The following ARMC1 variants were observed in gnomAD, a reference collection of about 807,000 sequenced individuals.
ARMC1 encodes armadillo repeat containing 1, also known as armadillo repeat-containing protein 1.
A neutral mutation model predicts 31.4 loss-of-function variants in ARMC1; 16 were observed. The observed-to-expected ratio is 0.51, with a 90% CI of 0.34 to 0.77. The LOEUF (loss-of-function observed/expected upper bound fraction) is 0.77. Among genes scored for constraint, ARMC1 ranks in the 30% least tolerant of loss-of-function variants. ARMC1 has a pLI of 0.01. For synonymous variants in ARMC1, 114 were observed against 118.9 expected (o/e 0.96, Z 0.27); for missense variants, 259 against 347.5 (o/e 0.75, Z 2.02).
At chr8:65,632,647 C>A in intron 1 of ARMC1, among the ~76,000 whole-genome samples, 1 of 151,758 alleles carries the variant, frequency 6.6e-6, no homozygotes, top group East Asian at 1.9e-4. Flanking sequence ...AAATAAAACT[C>A]TACAAGACGC....
chr8:65,607,159 T>C (rs1393755873), intron 4 of ARMC1, among the ~76,000 whole-genome samples: 2 of 152,238 alleles, frequency 1.3e-5, no homozygotes, highest in Non-Finnish European at 2.9e-5. Context: ...GTGGGACACG[T>C]CAGTCTGTGG....
chr8:65,617,321 C>T (rs1419529751), intron 3 of ARMC1, among the ~76,000 whole-genome samples: 1 of 152,184 alleles, frequency 6.6e-6, no homozygotes, highest in Non-Finnish European at 1.5e-5. Context: ...TGACCTTACC[C>T]CCAACCTGGT....
chr8:65,628,263 T>C (rs1808557111), intron 1 of ARMC1, among the ~76,000 whole-genome samples: 1 of 151,972 alleles, frequency 6.6e-6, no homozygotes, highest in East Asian at 1.9e-4. Context: ...TTTTGTTTGT[T>C]TTCTCCAAGA....
In ARMC1 at chr8:65,603,872, A is replaced by G. The variant is rs1341955999; in HGVS notation, c.*522T>C. The stretch of plus-strand genomic sequence containing the variant: ...CATTAGTAATGTCCTTTCTATAAAC[A>G]CGGTTGGCAAAATAAAAAGGCACAA... On this transcript the variant is annotated 3_prime_UTR_variant, in exon 7 of 7. Transcript: ENST00000276569. The G allele has an allele frequency of 6.5e-6, 1 of 152,762 alleles. No homozygotes were observed. The highest frequency in any genetic ancestry group is 2.4e-5 in the African/African-American group (1 of 41,464). The allele number at this position is 152,762 out of a possible 1,614,324, so 9.5% of individuals were successfully genotyped here.
intron 1 of ARMC1, among the ~76,000 whole-genome samples, chr8:65,632,210 G>T: frequency 6.6e-6 from 1 of 152,088 alleles, no homozygotes; most frequent in East Asian, 1.9e-4. Flanking sequence ...AGGCCCAGGG[G>T]GGTGGATCTC....
At chr8:65,616,536 G>A (rs570662932) in intron 3 of ARMC1, among the ~76,000 whole-genome samples, 8 of 152,312 alleles carry the variant, frequency 5.3e-5, no homozygotes, top group Admixed American at 3.3e-4. Flanking sequence ...CGAGATTGCA[G>A]CCTCTGCCCG....
intron 1 of ARMC1, among the ~76,000 whole-genome samples, chr8:65,628,997 T>C (rs1370611531): frequency 5.3e-5 from 8 of 151,262 alleles, no homozygotes; most frequent in Non-Finnish European, 1.0e-4. Context: ...CTACTAAAAA[T>C]ACAAAAATTA....
intron 4 of ARMC1, among the ~76,000 whole-genome samples, chr8:65,606,360 C>CAA (rs11437403): frequency 7.7e-4 from 89 of 115,912 alleles, no homozygotes; most frequent in African/African-American, 9.8e-4. Context: ...GACACCATCT[C>CAA]AAAAAAAAAA....
intron 1 of ARMC1, among the ~76,000 whole-genome samples, chr8:65,628,971 T>A (rs2129044352): frequency 6.6e-6 from 1 of 151,946 alleles, no homozygotes; most frequent in East Asian, 1.9e-4. Flanking sequence ...CTGGTCAACA[T>A]GGTGAAACCC....
intron 2 of ARMC1, among the ~76,000 whole-genome samples, chr8:65,626,357 A>C (rs2129043969): frequency 6.6e-6 from 1 of 151,298 alleles, no homozygotes; most frequent in African/African-American, 2.4e-5. Context: ...TAATCTAAGC[A>C]CTTTGAGAGC....
At position 65,613,376 on chromosome 8, in the gene ARMC1, C is replaced by T. The variant is rs1323895286; in HGVS notation, c.333G>A (p.Gln111=). 1.2e-6 allele frequency: 2 copies of T among 1,610,708 alleles called. No individual in the cohort carries two copies. The highest frequency in any genetic ancestry group is 3.4e-5 in the Admixed American group (2 of 59,278). ...LLASEIYDIL[Q]SSNMADGDSF... ...TATCACCATCTGCCATATTGGAGGA[C>T]TGAAGAATGTCATAGATTTCAGAGG... The change falls in exon 4 of 7, where the codon CAG becomes CAA. Residue 111 remains glutamine, a synonymous_variant. Transcript: ENST00000276569.
intron 2 of ARMC1, among the ~76,000 whole-genome samples, chr8:65,626,441 T>TAAA (rs60790153): frequency 2.6e-4 from 35 of 132,728 alleles, no homozygotes; most frequent in African/African-American, 7.6e-4. Flanking sequence ...CTATCTCTAC[T>TAAA]AAAAAAAAAA....
In ARMC1 at chr8:65,612,106, A is replaced by C. The variant is rs905264004; in HGVS notation, c.465+1138T>G. On this transcript the variant is annotated intron_variant, in intron 4 of 6. Transcript: ENST00000276569. ...TTTTATTCAGTTCACTTTCATTTTTATTTTTATTCAGTTCAAAATGCTAAT... is the reference window on the plus strand; with the variant it reads ...TTTTATTCAGTTCACTTTCATTTTTCTTTTTATTCAGTTCAAAATGCTAAT... 2.0e-5 allele frequency among the ~76,000 whole-genome samples: 3 copies of C among 151,922 alleles called. No individual in the cohort carries two copies. The South Asian group carries it at 6.2e-4, about 32-fold the overall frequency.
chr8:65,631,939 ATAT>A (rs112886724), intron 1 of ARMC1, among the ~76,000 whole-genome samples: 95,954 of 151,164 alleles, frequency 0.63, 30,673 homozygotes, highest in African/African-American at 0.69. Flanking sequence ...TTTTAAATGA[ATAT>A]TTCAGGATTC....
chr8:65,602,870 C>G lies in ARMC1; in HGVS notation c.*1524G>C. On this transcript the variant is annotated 3_prime_UTR_variant, in exon 7 of 7. Coordinates refer to ENST00000276569, the MANE Select transcript of ARMC1 (RefSeq NM_018120.6). ...TTGTGCGTGTCACTTGAATCAGAAA[C>G]CAAACACATGTAAAAAAATATCATC... is the stretch of plus-strand genomic sequence containing the variant. 1 of 146,180 alleles carries G rather than the reference C, an allele frequency of 6.8e-6. No homozygotes were observed. The highest frequency in any genetic ancestry group is 1.5e-5 in the Non-Finnish European group (1 of 66,638). 9.1% of individuals were successfully genotyped at this position (146,180 alleles called of 1,614,324 possible).
chr8:65,608,395 G>T (rs905458107), intron 4 of ARMC1, among the ~76,000 whole-genome samples: 1 of 152,140 alleles, frequency 6.6e-6, no homozygotes, highest in Non-Finnish European at 1.5e-5. Context: ...GGGGCGTGGT[G>T]GTGGGTGCCT....
chr8:65,620,674 G>A (rs552519520), intron 3 of ARMC1, among the ~76,000 whole-genome samples: 8 of 151,902 alleles, frequency 5.3e-5, no homozygotes, highest in African/African-American at 1.9e-4. Context: ...AAAGGAAGAT[G>A]CTTCTGTTGT....
At chr8:65,608,815 A>C (rs1585703174) in intron 4 of ARMC1, among the ~76,000 whole-genome samples, 2 of 139,940 alleles carry the variant, frequency 1.4e-5, no homozygotes, top group Non-Finnish European at 3.3e-5. Flanking sequence ...AGGCTGAGGC[A>C]GGAGAATTGC....
chr8:65,608,143 T>C (rs1808042681), intron 4 of ARMC1, among the ~76,000 whole-genome samples: 1 of 152,236 alleles, frequency 6.6e-6, no homozygotes, highest in South Asian at 2.1e-4. Flanking sequence ...TTACTGATAT[T>C]ATACTAAAAT....
Sources: allele counts gnomAD v4.1 joint callset (sites outside exome capture counted in the v4.1 genomes callset), GRCh38; gene constraint gnomAD v4.1.1; transcripts MANE v1.5; gene names NCBI Gene and HGNC (gene_info 2026-07-23, HGNC 2026-07-21).